The following SYTL5 variants were observed in gnomAD, a reference collection of about 807,000 sequenced individuals.
SYTL5 encodes synaptotagmin like 5.
Under a neutral mutation model 55.9 loss-of-function variants are expected in SYTL5, and 34 were observed. That is an observed-to-expected ratio of 0.61 (90% CI 0.46 to 0.81). The LOEUF (loss-of-function observed/expected upper bound fraction) is 0.81, where lower values mean the gene tolerates loss of function less well. Ranked by LOEUF, SYTL5 falls within the 30% of genes least tolerant of loss-of-function variation. The pLI is 0.00. For missense variants in SYTL5, 637 were observed against 546.7 expected, an observed-to-expected ratio of 1.17 and a Z score of -1.65; for synonymous variants, 221 against 188.7, an observed-to-expected ratio of 1.17 and a Z score of -1.40.
the SYTL5 span, among the ~76,000 whole-genome samples, chrX:37,967,878 G>A: frequency 1.9e-5 from 2 of 107,687 alleles, no homozygotes; most frequent in Non-Finnish European, 3.8e-5. Context: ...TAGGATTATA[G>A]GCATGAGTCA....
rs1265397509 is a variant in SYTL5, at chrX:38,097,454, T to C, written c.1062+1220T>C. Among the ~76,000 whole-genome samples the C allele has an allele frequency of 3.6e-5, 4 of 110,918 alleles. No individual in the cohort carries two copies. The Admixed American group carries it at 3.8e-4, about 11-fold the overall frequency. ...AATGAAATTAAGAATATAATTCCAT[T>C]CATAATAGCATGAAAAATATTTTTC... On this transcript the variant is annotated intron_variant, in intron 9 of 16. Transcript: ENST00000297875.
At chrX:37,973,033 G>A in the SYTL5 span, among the ~76,000 whole-genome samples, 1 of 111,930 alleles carries the variant, frequency 8.9e-6, no homozygotes, top group Non-Finnish European at 1.9e-5. Flanking sequence ...CTCCTGGATC[G>A]AGAAAGAAAG....
chrX:38,079,906 C>A (rs1936485313), intron 6 of SYTL5, among the ~76,000 whole-genome samples: 1 of 112,205 alleles, frequency 8.9e-6, no homozygotes, highest in Admixed American at 9.4e-5. Context: ...ATACAGGATG[C>A]CCAGGTATGT....
At chrX:37,943,821 C>T in the SYTL5 span, among the ~76,000 whole-genome samples, 2 of 110,901 alleles carry the variant, frequency 1.8e-5, no homozygotes, top group South Asian at 3.9e-4. Flanking sequence ...ATTTGTAAAT[C>T]GAGAGAATTT....
intron 2 of SYTL5, among the ~76,000 whole-genome samples, chrX:38,045,471 G>C (rs2147261105): frequency 9.0e-6 from 1 of 111,678 alleles, no homozygotes. Flanking sequence ...TTTTTGTTTT[G>C]TTTTGTTTTG....
chrX:37,993,026 T>C, the SYTL5 span, among the ~76,000 whole-genome samples: 4 of 111,231 alleles, frequency 3.6e-5, no homozygotes, highest in South Asian at 3.8e-4. Context: ...TGTTCTCCTC[T>C]AAGAGAGTAT....
chrX:38,108,791 T>A, intron 12 of SYTL5, 92 bp downstream of exon 12: 1 of 547,015 alleles, frequency 1.8e-6, no homozygotes, highest in Non-Finnish European at 3.0e-6. Context: ...TATTTGTGTG[T>A]CAAGGCTTGT....
chrX:38,001,776 T>C (rs1414140172), upstream of SYTL5, among the ~76,000 whole-genome samples: 1 of 111,909 alleles, frequency 8.9e-6, no homozygotes, highest in East Asian at 2.8e-4. Flanking sequence ...AGATATCTCT[T>C]GGATATACTG....
chrX:38,047,591 C>G (rs1244564129), intron 2 of SYTL5, among the ~76,000 whole-genome samples: 4 of 112,842 alleles, frequency 3.5e-5, no homozygotes, highest in Non-Finnish European at 7.5e-5. Context: ...CTCTGACATG[C>G]CTTGGAGACA....
intron 5 of SYTL5, among the ~76,000 whole-genome samples, chrX:38,074,931 CACAT>C (rs911322982): frequency 4.5e-5 from 5 of 110,939 alleles, no homozygotes; most frequent in Admixed American, 9.6e-5. Context: ...CACACACACA[CACAT>C]GCACACACTT....
At chrX:38,100,446 G>T (rs755695913) in intron 9 of SYTL5, among the ~76,000 whole-genome samples, 44 of 111,200 alleles carry the variant, frequency 4.0e-4, no homozygotes, top group Non-Finnish European at 8.0e-4. Flanking sequence ...TATGGATGAC[G>T]TTAAGTGACA....
At chrX:38,125,588 G>T (rs1018632237) in intron 16 of SYTL5, 82 bp downstream of exon 16, 2 of 692,932 alleles carry the variant, frequency 2.9e-6, no homozygotes, top group South Asian at 5.1e-5. Flanking sequence ...GATGTGCAGT[G>T]GATGTATATA....
the SYTL5 span, among the ~76,000 whole-genome samples, chrX:37,984,315 G>T: frequency 1.8e-5 from 2 of 111,578 alleles, no homozygotes; most frequent in Non-Finnish European, 3.8e-5. Context: ...TACTGCCATT[G>T]CAGAAATAAA....
At chrX:37,898,553 G>A in the SYTL5 span, among the ~76,000 whole-genome samples, 1 of 112,078 alleles carries the variant, frequency 8.9e-6, no homozygotes, top group African/African-American at 3.2e-5. Flanking sequence ...TCTGTTGCTT[G>A]CAAATAAAAA....
chrX:37,979,332 T>A, the SYTL5 span, among the ~76,000 whole-genome samples: 3 of 108,724 alleles, frequency 2.8e-5, no homozygotes, highest in Non-Finnish European at 5.7e-5. Context: ...CATCTCACTT[T>A]ACATAAGATA....
At chrX:37,948,243 G>A in the SYTL5 span, among the ~76,000 whole-genome samples, 1 of 110,956 alleles carries the variant, frequency 9.0e-6, no homozygotes, top group African/African-American at 3.3e-5. Context: ...AGTAGTAAAG[G>A]TTAATGACAA....
chrX:37,908,014 G>A, the SYTL5 span, among the ~76,000 whole-genome samples: 2 of 110,191 alleles, frequency 1.8e-5, no homozygotes, highest in East Asian at 5.6e-4. Context: ...CTACACAGGA[G>A]GCTGAGGTGG....
chrX:38,002,327 C>T (rs760959015), upstream of SYTL5, among the ~76,000 whole-genome samples: 4 of 111,711 alleles, frequency 3.6e-5, no homozygotes, highest in East Asian at 2.8e-4. Context: ...AATAAACATA[C>T]GTGTGCATGT....
At chrX:38,033,441 C>T (rs1305406063) in intron 1 of SYTL5, 93 bp from the exon 2 acceptor site, 1 of 112,717 alleles carries the variant, frequency 8.9e-6, no homozygotes, top group Non-Finnish European at 1.9e-5. Flanking sequence ...TTAGATACAA[C>T]AAAATTTCAA....
Sources: allele counts gnomAD v4.1 joint callset (sites outside exome capture counted in the v4.1 genomes callset), GRCh38; gene constraint gnomAD v4.1.1; transcripts MANE v1.5; gene names NCBI Gene and HGNC (gene_info 2026-07-23, HGNC 2026-07-21).